The following HDAC9 variants were observed in gnomAD, a reference collection of about 807,000 sequenced individuals.
HDAC9 encodes the protein MEF-2 interacting transcription repressor (MITR) protein.
In HDAC9, 41 loss-of-function variants were observed where a neutral mutation model predicts 139.4. The ratio of observed to expected loss-of-function variants is 0.29; its 90% CI spans 0.23 to 0.38. HDAC9 has a LOEUF of 0.38. Among genes scored for constraint, HDAC9 ranks in the 10% least tolerant of loss-of-function variants. The pLI is 1.00. For missense variants in HDAC9, 1,147 were observed against 1,297.0 expected (o/e 0.88, Z 1.78); for synonymous variants, 517 against 476.2 (o/e 1.09, Z -1.12).
At chr7:18,380,699 C>T (rs1010738145) in intron 1 of HDAC9, among the ~76,000 whole-genome samples, 10 of 152,176 alleles carry the variant, frequency 6.6e-5, no homozygotes, top group Non-Finnish European at 1.3e-4. Context: ...GTGTCCGTCA[C>T]CAAACACACC....
intron 1 of HDAC9, among the ~76,000 whole-genome samples, chr7:18,400,181 A>T (rs1186847641): frequency 6.6e-6 from 1 of 152,234 alleles, no homozygotes; most frequent in Non-Finnish European, 1.5e-5. Context: ...AGATGAAGGT[A>T]AAGAGAGAAA....
chr7:18,503,807 A>G (rs1336136189), intron 2 of HDAC9, among the ~76,000 whole-genome samples: 2 of 152,176 alleles, frequency 1.3e-5, no homozygotes, highest in African/African-American at 2.4e-5. Flanking sequence ...ATGTATGTTC[A>G]TTATTGACCC....
chr7:18,576,617 G>C (rs555934359), intron 2 of HDAC9, among the ~76,000 whole-genome samples: 1 of 149,328 alleles, frequency 6.7e-6, no homozygotes, highest in Non-Finnish European at 1.5e-5. Flanking sequence ...AGCCGAGATC[G>C]CGCCACTGCA....
At chr7:18,914,046 T>C (rs537156106) in intron 22 of HDAC9, among the ~76,000 whole-genome samples, 2 of 152,026 alleles carry the variant, frequency 1.3e-5, no homozygotes, top group East Asian at 3.9e-4. Flanking sequence ...GAGAGCTAAT[T>C]AGGTCATGAG....
chr7:18,901,538 G>A (rs140895736), intron 22 of HDAC9, among the ~76,000 whole-genome samples: 1 of 152,212 alleles, frequency 6.6e-6, no homozygotes, highest in East Asian at 1.9e-4. Flanking sequence ...AGAATCCAAT[G>A]CCTGTAGGGG....
chr7:18,410,441 A>T (rs1294387195), intron 1 of HDAC9, among the ~76,000 whole-genome samples: 1 of 152,196 alleles, frequency 6.6e-6, no homozygotes, highest in African/African-American at 2.4e-5. Flanking sequence ...GTTGCCAAGA[A>T]CCTATAGTTC....
At chr7:18,387,100 C>T (rs981614174) in intron 1 of HDAC9, among the ~76,000 whole-genome samples, 2 of 152,130 alleles carry the variant, frequency 1.3e-5, no homozygotes, top group African/African-American at 4.8e-5. Flanking sequence ...AAAGAAGATT[C>T]GAAGAGGAAG....
intron 2 of HDAC9, among the ~76,000 whole-genome samples, chr7:18,555,876 C>CA (rs2128684282): frequency 6.6e-6 from 1 of 151,992 alleles, no homozygotes; most frequent in African/African-American, 2.4e-5. Flanking sequence ...TATAACATGG[C>CA]AAAATAGTTG....
At chr7:18,580,894 T>TA (rs949560968) in intron 2 of HDAC9, among the ~76,000 whole-genome samples, 2 of 152,214 alleles carry the variant, frequency 1.3e-5, no homozygotes, top group African/African-American at 4.8e-5. Flanking sequence ...GGTATTGTGT[T>TA]ACTATTATTT....
rs1383781037 is a variant in HDAC9 at position 18,226,439 on chromosome 7, G to T, written c.25+64090G>T. On this transcript the variant is annotated intron_variant, in intron 2 of 12. Transcript: ENST00000417496. Reference sequence around the variant, plus strand: ...AGGAAAAAAAAAAGGGATAGAAGAGGCAGACTATACATTGCCCTTTTTAAA... The same window carrying T: ...AGGAAAAAAAAAAGGGATAGAAGAGTCAGACTATACATTGCCCTTTTTAAA... Among the ~76,000 whole-genome samples, 6 of 152,090 alleles carry T rather than the reference G, an allele frequency of 3.9e-5. No individual in the cohort carries two copies. The East Asian group carries it at 9.7e-4, about 24-fold the overall frequency.
At chr7:18,216,225 C>G (rs1269655395) in intron 2 of HDAC9, among the ~76,000 whole-genome samples, 1 of 151,694 alleles carries the variant, frequency 6.6e-6, no homozygotes, top group Non-Finnish European at 1.5e-5. Context: ...GGAGCTTTTC[C>G]CAGAAAGTTT....
chr7:18,696,429 G>T (rs1214951054), intron 12 of HDAC9, among the ~76,000 whole-genome samples: 1 of 147,550 alleles, frequency 6.8e-6, no homozygotes, highest in Non-Finnish European at 1.5e-5. Flanking sequence ...TATACATTAT[G>T]TAGCTATAGT....
chr7:18,836,462 C>T (rs773151334), intron 21 of HDAC9, among the ~76,000 whole-genome samples: 6 of 152,128 alleles, frequency 3.9e-5, no homozygotes, highest in Non-Finnish European at 5.9e-5. Context: ...TTGGCCAAGG[C>T]AATCTCATTT....
At chr7:18,182,662 G>C (rs1046800566) in intron 2 of HDAC9, among the ~76,000 whole-genome samples, 4 of 152,180 alleles carry the variant, frequency 2.6e-5, no homozygotes, top group Non-Finnish European at 1.5e-5. Flanking sequence ...ACGGGAAATT[G>C]AGACTTTGAG....
chr7:18,328,873 A>G (rs1318144558), intron 1 of HDAC9, among the ~76,000 whole-genome samples: 1 of 151,824 alleles, frequency 6.6e-6, no homozygotes, highest in Non-Finnish European at 1.5e-5. Context: ...ATAGTTTGAG[A>G]AGGATTGGTA....
chr7:18,563,887 G>A (rs1186612665), intron 2 of HDAC9, among the ~76,000 whole-genome samples: 2 of 148,046 alleles, frequency 1.4e-5, no homozygotes, highest in Non-Finnish European at 3.0e-5. Flanking sequence ...CCAGGCTGGA[G>A]TGCAATGCCA....
chr7:18,443,129 A>G (rs1265509883), intron 1 of HDAC9, among the ~76,000 whole-genome samples: 2 of 152,230 alleles, frequency 1.3e-5, no homozygotes. Context: ...CAGTAATCAT[A>G]AACTAGCCAG....
chr7:18,890,679 C>T (rs1287668626), intron 22 of HDAC9, among the ~76,000 whole-genome samples: 1 of 152,106 alleles, frequency 6.6e-6, no homozygotes, highest in Non-Finnish European at 1.5e-5. Context: ...GGAATTATAC[C>T]ACATCCATTG....
At chr7:18,305,811 A>C (rs952744727) in intron 1 of HDAC9, among the ~76,000 whole-genome samples, 21 of 152,004 alleles carry the variant, frequency 1.4e-4, no homozygotes, top group African/African-American at 5.1e-4. Flanking sequence ...GGTTTAGGAA[A>C]GGAACTTGGT....
Sources: allele counts gnomAD v4.1 joint callset (sites outside exome capture counted in the v4.1 genomes callset), GRCh38; gene constraint gnomAD v4.1.1; transcripts MANE v1.5; gene names NCBI Gene and HGNC (gene_info 2026-07-23, HGNC 2026-07-21).